SH3GLB1: variants seen among roughly 807,000 people sequenced by gnomAD.
SH3GLB1 encodes SH3 domain containing GRB2 like, endophilin B1.
In SH3GLB1, 17 loss-of-function variants were observed where a neutral mutation model predicts 42.0. The ratio of observed to expected loss-of-function variants is 0.40; its 90% confidence interval spans 0.28 to 0.61. SH3GLB1 has a LOEUF of 0.61. Ranked by LOEUF, SH3GLB1 falls within the 20% of genes least tolerant of loss-of-function variation. SH3GLB1 has a pLI of 0.36. For missense variants in SH3GLB1, 355 were observed against 426.3 expected (o/e 0.83, Z 1.47); for synonymous variants, 132 against 146.6 (o/e 0.90, Z 0.72).
intron 8 of SH3GLB1, among the ~76,000 whole-genome samples, chr1:86,742,840 A>G (rs1656122557): frequency 6.6e-6 from 1 of 152,090 alleles, no homozygotes. Context: ...GTGCGCCTGT[A>G]GTCCCAGCTA....
intron 1 of SH3GLB1, among the ~76,000 whole-genome samples, chr1:86,705,737 A>T (rs940825619): frequency 4.6e-5 from 7 of 152,220 alleles, no homozygotes; most frequent in African/African-American, 1.7e-4. Flanking sequence ...AGTACTAAGG[A>T]ACTTGGGCCG....
chr1:86,710,977 A>G (rs934869303), intron 1 of SH3GLB1, among the ~76,000 whole-genome samples: 1 of 152,234 alleles, frequency 6.6e-6, no homozygotes, highest in Non-Finnish European at 1.5e-5. Context: ...CAATTAAATT[A>G]GAATCTTAGG....
chr1:86,724,290 T>C (rs1390082641), intron 4 of SH3GLB1, 23 bp from the exon 5 acceptor site: 1 of 1,517,456 alleles, frequency 6.6e-7, no homozygotes, highest in East Asian at 2.3e-5. Flanking sequence ...TTAGCCCTTA[T>C]TTTTTCTTTT....
rs1656201726 is a variant in SH3GLB1, at chr1:86,744,367, C to T, written c.*1132C>T. On this transcript the variant is annotated 3_prime_UTR_variant, in exon 9 of 9. Coordinates refer to ENST00000370558, the MANE Select transcript of SH3GLB1 (RefSeq NM_016009.5). ...ATACTGTGCTGGTCAACTGGGGATA[C>T]TGTCCTGAACAATATGCACACAGTT... The T allele has an allele frequency of 6.6e-6, 1 of 152,172 alleles. No individual in the cohort carries two copies. Among genetic ancestry groups the T allele is most frequent in the Non-Finnish European group, 1.5e-5 (1 of 68,034 alleles). The allele number at this position is 152,172 out of a possible 1,614,324, so 9.4% of individuals were successfully genotyped here.
At chr1:86,740,962 T>C (rs955294909) in intron 7 of SH3GLB1, among the ~76,000 whole-genome samples, 1 of 151,924 alleles carries the variant, frequency 6.6e-6, no homozygotes, top group Non-Finnish European at 1.5e-5. Context: ...AAATGTAATA[T>C]GGGAAGGAAA....
intron 5 of SH3GLB1, among the ~76,000 whole-genome samples, chr1:86,732,001 T>C (rs1325091792): frequency 1.3e-5 from 2 of 151,748 alleles, no homozygotes; most frequent in African/African-American, 2.4e-5. Flanking sequence ...GGAGGTGGAG[T>C]TTGCAGTCAG....
intron 5 of SH3GLB1, among the ~76,000 whole-genome samples, chr1:86,730,641 A>AGGTGCCC (rs1655458325): frequency 6.6e-6 from 1 of 152,072 alleles, no homozygotes; most frequent in Non-Finnish European, 1.5e-5. Context: ...CTGGGATTAC[A>AGGTGCCC]GGTGCCCGCC....
chr1:86,704,611 T>G lies in SH3GLB1; in HGVS notation c.-289T>G, dbSNP rs913962276. The stretch of plus-strand genomic sequence containing the variant: ...TGGGACCCGGGTCCACACGGCGGGG[T>G]CGCCCGTCCATCTCCGGCTCGCCCG... On this transcript the variant is annotated 5_prime_UTR_variant, in exon 1 of 9. Coordinates refer to ENST00000370558, the MANE Select transcript of SH3GLB1 (RefSeq NM_016009.5). 7.2e-6 allele frequency: 2 copies of G among 278,076 alleles called. No homozygotes were observed. Among genetic ancestry groups the G allele is most frequent in the East Asian group, 8.4e-5 (1 of 11,922 alleles). The allele number at this position is 278,076 out of a possible 1,614,324, so 17.2% of individuals were successfully genotyped here.
intron 3 of SH3GLB1, among the ~76,000 whole-genome samples, chr1:86,721,477 C>T (rs116276855): frequency 0.014 from 2,178 of 152,202 alleles, 52 homozygotes; most frequent in African/African-American, 0.05. Context: ...CAGATCAAAG[C>T]TTATCCTAAC....
intron 5 of SH3GLB1, among the ~76,000 whole-genome samples, chr1:86,727,804 G>A (rs954259378): frequency 6.6e-6 from 1 of 151,980 alleles, no homozygotes; most frequent in Non-Finnish European, 1.5e-5. Context: ...CAAATTTGAT[G>A]GAAAATATTT....
intron 5 of SH3GLB1, among the ~76,000 whole-genome samples, chr1:86,727,892 C>G (rs1461683731): frequency 6.6e-6 from 1 of 151,956 alleles, no homozygotes; most frequent in Non-Finnish European, 1.5e-5. Context: ...AAATTTAGAG[C>G]ACCATCAGTA....
chr1:86,724,914 A>ATATATATATATATATATATATAT (rs1558315388), intron 5 of SH3GLB1, among the ~76,000 whole-genome samples: 1 of 119,964 alleles, frequency 8.3e-6, no homozygotes, highest in African/African-American at 3.9e-5. Context: ...TATATATATA[A>ATATATATATATATATATATATAT]AATATATAAT....
intron 5 of SH3GLB1, among the ~76,000 whole-genome samples, chr1:86,732,556 A>G (rs954140510): frequency 2.6e-5 from 4 of 152,168 alleles, no homozygotes; most frequent in African/African-American, 7.2e-5. Flanking sequence ...GCCACCCAAT[A>G]TGCACTAAAA....
intron 5 of SH3GLB1, among the ~76,000 whole-genome samples, chr1:86,730,708 G>A (rs551931670): frequency 6.6e-6 from 1 of 151,986 alleles, no homozygotes; most frequent in South Asian, 2.1e-4. Flanking sequence ...CACCATGTTG[G>A]CCAGGCTGGT....
rs1653712462 is a variant in SH3GLB1, at chr1:86,704,746, T to A, written c.-154T>A. 2.0e-6 allele frequency: 1 copy of A among 491,002 alleles called. No homozygotes were observed. The allele number at this position is 491,002 out of a possible 1,614,324, so 30.4% of individuals were successfully genotyped here. A position where few individuals can be genotyped will look rare whatever the true frequency, so the allele number is the denominator to read the frequency against. ...CTCGCCCCGCCTTCATCCTCCCCGT[T>A]CACGGAAACGACAGCTGCGGCTGCG... On this transcript the variant is annotated 5_prime_UTR_variant, in exon 1 of 9. Coordinates refer to ENST00000370558, the MANE Select transcript of SH3GLB1 (RefSeq NM_016009.5).
At chr1:86,731,094 T>G (rs1279799059) in intron 5 of SH3GLB1, among the ~76,000 whole-genome samples, 1 of 152,200 alleles carries the variant, frequency 6.6e-6, no homozygotes, top group Non-Finnish European at 1.5e-5. Flanking sequence ...GTGTTACCAT[T>G]TCTAATCTTC....
intron 2 of SH3GLB1, 117 bp downstream of exon 2, chr1:86,715,982 T>C: frequency 9.3e-7 from 1 of 1,078,314 alleles, no homozygotes; most frequent in South Asian, 1.6e-5. Context: ...AGCTTCAAGG[T>C]CAGTGGGTTT....
chr1:86,734,715 T>A, intron 6 of SH3GLB1, 24 bp downstream of exon 6: 1 of 1,585,280 alleles, frequency 6.3e-7, no homozygotes, highest in Admixed American at 1.7e-5. Context: ...CATTGGAAAT[T>A]CATTTGGAAC....
At chr1:86,736,690 T>C (rs1655797772) in intron 7 of SH3GLB1, among the ~76,000 whole-genome samples, 2 of 152,202 alleles carry the variant, frequency 1.3e-5, no homozygotes, top group African/African-American at 4.8e-5. Context: ...GTTGTTGCGT[T>C]ATTACTGCTC....
Sources: gnomAD v4.1 joint callset for allele counts (sites outside exome capture counted in the v4.1 genomes callset) on GRCh38, gnomAD v4.1.1 for gene constraint, MANE v1.5 for transcripts, NCBI Gene and HGNC (gene_info 2026-07-23, HGNC 2026-07-21) for gene names.